PEPD: variants seen among roughly 807,000 people sequenced by gnomAD.
PEPD encodes the protein peptidase D.
Under a neutral mutation model 60.7 loss-of-function variants are expected in PEPD, and 53 were observed. The ratio of observed to expected loss-of-function variants is 0.87; its 90% CI spans 0.70 to 1.10. PEPD has a LOEUF of 1.10. Ranked by LOEUF, PEPD falls within the 50% of genes least tolerant of loss-of-function variation. The probability of loss-of-function intolerance (pLI) is 0.00; values close to 1 mark genes in which losing one functional copy is unlikely to be tolerated. For missense variants in PEPD, 711 were observed against 711.9 expected (o/e 1.00, Z 0.01); for synonymous variants, 267 against 284.1 (o/e 0.94, Z 0.60).
chr19:33,410,972 C>T (rs533047953), intron 11 of PEPD, among the ~76,000 whole-genome samples: 1 of 152,220 alleles, frequency 6.6e-6, no homozygotes, highest in East Asian at 2.0e-4. Flanking sequence ...CACACACCTC[C>T]TCCCTGCCCC....
chr19:33,464,297 G>A (rs1405806440), intron 7 of PEPD, among the ~76,000 whole-genome samples: 3 of 152,234 alleles, frequency 2.0e-5, no homozygotes, highest in African/African-American at 4.8e-5. Flanking sequence ...CAGCCAGCGG[G>A]CAGACTGTTT....
chr19:33,501,613 G>A (rs1290067373), intron 3 of PEPD, among the ~76,000 whole-genome samples: 1 of 152,084 alleles, frequency 6.6e-6, no homozygotes, highest in Non-Finnish European at 1.5e-5. Flanking sequence ...GGAGGCGGAG[G>A]TTGCAGGGAG....
chr19:33,502,607 T>C (rs1418199202), intron 3 of PEPD, among the ~76,000 whole-genome samples: 2 of 152,008 alleles, frequency 1.3e-5, no homozygotes, highest in African/African-American at 4.8e-5. Context: ...CTTTGTAACT[T>C]CACTTTAGCC....
At chr19:33,448,818 C>A (rs1465909025) in intron 9 of PEPD, among the ~76,000 whole-genome samples, 1 of 152,018 alleles carries the variant, frequency 6.6e-6, no homozygotes, top group Non-Finnish European at 1.5e-5. Context: ...TCAGGAAAAG[C>A]CAAAAAAATC....
chr19:33,437,353 G>A (rs1490470512), intron 9 of PEPD, among the ~76,000 whole-genome samples: 1 of 151,952 alleles, frequency 6.6e-6, no homozygotes, highest in Admixed American at 6.6e-5. Context: ...TTGTCCCCAA[G>A]TATTTGGCAG....
chr19:33,502,845 C>G (rs536786119), intron 3 of PEPD, among the ~76,000 whole-genome samples: 2 of 148,764 alleles, frequency 1.3e-5, no homozygotes, highest in Admixed American at 7.0e-5. Flanking sequence ...TGCTTTCATT[C>G]TTTCGTTGCT....
At chr19:33,490,882 C>T (rs773441784) in intron 5 of PEPD, among the ~76,000 whole-genome samples, 12 of 151,924 alleles carry the variant, frequency 7.9e-5, no homozygotes, top group African/African-American at 2.9e-4. Context: ...AGGCTTGTCT[C>T]GAACTCTTGA....
chr19:33,519,775 T>C (rs1971097282), intron 1 of PEPD, among the ~76,000 whole-genome samples: 1 of 152,128 alleles, frequency 6.6e-6, no homozygotes, highest in Non-Finnish European at 1.5e-5. Flanking sequence ...AGAAAAGCTC[T>C]CATTCTGGGG....
intron 3 of PEPD, among the ~76,000 whole-genome samples, chr19:33,505,575 C>T (rs146026154): frequency 7.8e-4 from 118 of 152,048 alleles, no homozygotes; most frequent in African/African-American, 2.7e-3. Flanking sequence ...TCACAAGGAG[C>T]GTGGGAGGGA....
chr19:33,401,957 G>A lies in PEPD; in HGVS notation c.819-88C>T, dbSNP rs993576685. On this transcript the variant is annotated intron_variant, in intron 11 of 14. Transcript: ENST00000244137. ...GCTCCCCACCTGCCCTGGACTCGAG[G>A]GCAGCTGGCCCGGGTCCTGGATGCA... is the stretch of plus-strand genomic sequence containing the variant. 2.8e-5 allele frequency: 37 copies of A among 1,343,642 alleles called. No individual in the cohort carries two copies. In the African/African-American group the frequency reaches 4.0e-4, roughly 15 times the overall value. The allele number at this position is 1,343,642 out of a possible 1,614,324, so 83.2% of individuals were successfully genotyped here.
intron 9 of PEPD, among the ~76,000 whole-genome samples, chr19:33,427,784 T>A (rs941716719): frequency 6.6e-6 from 1 of 152,232 alleles, no homozygotes; most frequent in Non-Finnish European, 1.5e-5. Flanking sequence ...TAGAAGAATT[T>A]GTGCTTTTAA....
At chr19:33,458,864 G>A (rs987408549) in intron 9 of PEPD, among the ~76,000 whole-genome samples, 3 of 151,398 alleles carry the variant, frequency 2.0e-5, no homozygotes, top group East Asian at 1.9e-4. Context: ...ATGGTGTGGC[G>A]TGTGTGTCAT....
chr19:33,436,582 C>T (rs1969381960), intron 9 of PEPD, among the ~76,000 whole-genome samples: 1 of 152,212 alleles, frequency 6.6e-6, no homozygotes, highest in African/African-American at 2.4e-5. Flanking sequence ...ATGTTTAGGT[C>T]CTGCCAGGAA....
At chr19:33,393,158 C>T (rs992205905) in intron 12 of PEPD, among the ~76,000 whole-genome samples, 2 of 151,826 alleles carry the variant, frequency 1.3e-5, no homozygotes, top group Non-Finnish European at 2.9e-5. Flanking sequence ...TGGGGGCGGC[C>T]GTCCCGGGGT....
At position 33,401,780 on chromosome 19, in the gene PEPD, T is replaced by C; in HGVS notation, c.908A>G (p.Lys303Arg). 6.2e-7 allele frequency: 1 copy of C among 1,612,386 alleles called. No homozygotes were observed. Among genetic ancestry groups the C allele is most frequent in the Non-Finnish European group, 8.5e-7 (1 of 1,179,568 alleles). ...PANGKFTADQKAVYEAVLRSS... is the reference protein window; with the variant it reads ...PANGKFTADQRAVYEAVLRSS... ...CCGCAGCACTGCCTCATAGACGGCC[T>C]TCTGGTCTGCAGTGAACTTGCCGTT... Residue 303 changes from lysine (K) to arginine (R), a missense_variant, in exon 12 of 15, where the codon AAG (lysine) becomes AGG (arginine). Transcript: ENST00000244137.
intron 9 of PEPD, 91 bp downstream of exon 9, chr19:33,462,904 C>T (rs1969953258): frequency 6.2e-6 from 5 of 812,902 alleles, no homozygotes; most frequent in South Asian, 4.0e-5. Flanking sequence ...GGTGTGTGTG[C>T]CACTGCGGCG....
At chr19:33,415,487 C>T (rs1349695077) in intron 9 of PEPD, among the ~76,000 whole-genome samples, 6 of 152,268 alleles carry the variant, frequency 3.9e-5, no homozygotes, top group South Asian at 2.1e-4. Context: ...GCCTGGGCAA[C>T]ACAGCAAGAC....
chr19:33,391,417 T>C lies in PEPD; in HGVS notation c.1030A>G (p.Met344Val), dbSNP rs1968217328. The C allele has an allele frequency of 1.1e-5, 17 of 1,574,664 alleles. No individual in the cohort carries two copies. In the Middle Eastern group the frequency reaches 1.0e-3, roughly 93 times the overall value. ...TCCACGCTGCCGCTCAGGATGCCCA[T>C]GTGGGCCAGCTCCTCCAGGTGGATG... ...DRIHLEELAH[M>V]GILSGSVDAM... The change falls in exon 13 of 15, where the codon ATG (methionine) becomes GTG (valine). Residue 344 changes from methionine (M) to valine (V), a missense_variant. Transcript: ENST00000244137.
intron 13 of PEPD, among the ~76,000 whole-genome samples, chr19:33,390,741 C>G (rs78521473): frequency 0.22 from 33,033 of 152,056 alleles, 4,382 homozygotes; most frequent in African/African-American, 0.39. Flanking sequence ...TATCTGCCAA[C>G]GGGCCCCAGA....
Sources: gnomAD v4.1 joint callset for allele counts (sites outside exome capture counted in the v4.1 genomes callset) on GRCh38, gnomAD v4.1.1 for gene constraint, MANE v1.5 for transcripts, NCBI Gene and HGNC (gene_info 2026-07-23, HGNC 2026-07-21) for gene names.